The following GTF2A1 variants were observed in gnomAD, a reference collection of about 807,000 sequenced individuals.
GTF2A1 encodes the protein general transcription factor IIA subunit 1.
Under a neutral mutation model 54.1 loss-of-function variants are expected in GTF2A1, and 12 were observed. The ratio of observed to expected loss-of-function variants is 0.22; its 90% CI spans 0.14 to 0.36. GTF2A1 has a LOEUF of 0.36. Among genes scored for constraint, GTF2A1 ranks in the 10% least tolerant of loss-of-function variants. The pLI is 1.00. For synonymous variants in GTF2A1, 145 were observed against 152.0 expected, an observed-to-expected ratio of 0.95 and a Z score of 0.34; for missense variants, 335 against 442.2, an observed-to-expected ratio of 0.76 and a Z score of 2.17.
intron 1 of GTF2A1, among the ~76,000 whole-genome samples, chr14:81,219,813 CTTTT>C (rs561864246): frequency 1.1e-4 from 16 of 152,228 alleles, no homozygotes; most frequent in South Asian, 2.1e-4. Flanking sequence ...CCACTGCAGG[CTTTT>C]TTTGTTTGTT....
At position 81,220,826 on chromosome 14, in the gene GTF2A1, T is replaced by C. The variant is rs1181872533; in HGVS notation, c.-308A>G. The C allele has an allele frequency of 1.9e-5, 6 of 312,372 alleles. No individual in the cohort carries two copies. The highest frequency in any genetic ancestry group is 1.0e-4 in the East Asian group (2 of 19,780). 19.4% of individuals were successfully genotyped at this position (312,372 alleles called of 1,614,324 possible). A position where few individuals can be genotyped will look rare whatever the true frequency, so the allele number is the denominator to read the frequency against. ...CGCCAAGGAGGGAAACCACCACCGG[T>C]CACCGCTCCCTGCGCCGCCGCTGCC... On this transcript the variant is annotated 5_prime_UTR_variant, in exon 1 of 9. Coordinates refer to ENST00000553612, the MANE Select transcript of GTF2A1 (RefSeq NM_015859.4).
At chr14:81,197,723 G>C (rs1053905815) in intron 4 of GTF2A1, among the ~76,000 whole-genome samples, 4 of 152,048 alleles carry the variant, frequency 2.6e-5, no homozygotes, top group African/African-American at 9.7e-5. Flanking sequence ...CCCTAGAGAA[G>C]GTGCTCTAAG....
intron 2 of GTF2A1, among the ~76,000 whole-genome samples, chr14:81,208,371 G>A (rs1398317928): frequency 1.3e-5 from 2 of 152,206 alleles, no homozygotes; most frequent in Non-Finnish European, 2.9e-5. Flanking sequence ...ATTGAGGTTT[G>A]GGAACTTCTA....
intron 3 of GTF2A1, 64 bp downstream of exon 3, chr14:81,203,836 C>G: frequency 7.3e-7 from 1 of 1,368,338 alleles, no homozygotes; most frequent in Non-Finnish European, 1.0e-6. Context: ...CAGAATATTT[C>G]TCTTCTTTCA....
At chr14:81,219,005 A>T (rs1186180243) in intron 1 of GTF2A1, among the ~76,000 whole-genome samples, 1 of 151,910 alleles carries the variant, frequency 6.6e-6, no homozygotes, top group Non-Finnish European at 1.5e-5. Flanking sequence ...CACTACCAAA[A>T]CCAAGTCCTC....
At chr14:81,195,694 G>C (rs897714805) in intron 6 of GTF2A1, among the ~76,000 whole-genome samples, 5 of 151,626 alleles carry the variant, frequency 3.3e-5, no homozygotes, top group African/African-American at 1.2e-4. Context: ...TGATACCTTG[G>C]GTATTAGAGG....
intron 5 of GTF2A1, 96 bp from the exon 6 acceptor site, chr14:81,196,337 A>T (rs984504033): frequency 8.0e-7 from 1 of 1,251,392 alleles, no homozygotes; most frequent in Non-Finnish European, 1.2e-6. Context: ...CAAAGGCACA[A>T]GAAATTATCA....
intron 1 of GTF2A1, among the ~76,000 whole-genome samples, chr14:81,217,237 G>T (rs569486694): frequency 6.6e-6 from 1 of 152,212 alleles, no homozygotes; most frequent in East Asian, 1.9e-4. Flanking sequence ...CTGGCTTCTA[G>T]AAGGTTGAAT....
chr14:81,213,977 G>C (rs1893430622), intron 2 of GTF2A1, among the ~76,000 whole-genome samples: 1 of 151,562 alleles, frequency 6.6e-6, no homozygotes, highest in African/African-American at 2.4e-5. Context: ...CCAGTAGCTG[G>C]GATTACAGGC....
chr14:81,211,280 A>C (rs1307191609), intron 2 of GTF2A1, among the ~76,000 whole-genome samples: 3 of 152,126 alleles, frequency 2.0e-5, no homozygotes, highest in Non-Finnish European at 4.4e-5. Flanking sequence ...ACTAGTCCAA[A>C]TTCCTAGTCT....
In GTF2A1 at chr14:81,196,062, G is replaced by A. The variant is rs780560882; in HGVS notation, c.612+46C>T. 3.0e-5 allele frequency: 47 copies of A among 1,566,844 alleles called. 1 individual carries two copies. In the South Asian group the frequency reaches 4.9e-4, roughly 16 times the overall value. On this transcript the variant is annotated intron_variant, in intron 6 of 8. Coordinates refer to ENST00000553612, the MANE Select transcript of GTF2A1 (RefSeq NM_015859.4). Reference sequence around the variant, plus strand: ...GGAAACTACCCAGGGAATACATACAGAATAAAACAGAACCCCATACTGATC... The same window carrying A: ...GGAAACTACCCAGGGAATACATACAAAATAAAACAGAACCCCATACTGATC...
chr14:81,217,033 C>T (rs949345539), intron 1 of GTF2A1, among the ~76,000 whole-genome samples: 2 of 152,218 alleles, frequency 1.3e-5, no homozygotes, highest in Non-Finnish European at 2.9e-5. Context: ...CATTAAACTA[C>T]TCATACACTC....
chr14:81,189,773 A>G (rs897028075), intron 7 of GTF2A1, among the ~76,000 whole-genome samples: 2 of 152,194 alleles, frequency 1.3e-5, no homozygotes, highest in Non-Finnish European at 2.9e-5. Context: ...TACAAATACC[A>G]AACAAGTGCA....
In GTF2A1 at chr14:81,179,599, A is replaced by G. The variant is rs1371301544; in HGVS notation, c.*624T>C. On this transcript the variant is annotated 3_prime_UTR_variant, in exon 9 of 9. Transcript: ENST00000553612. ...AATATTCATTCCTGGGTCAAATTTT[A>G]TCTCCAAACTATGATCACTGATAAC... The G allele has an allele frequency of 1.3e-5, 2 of 152,222 alleles. No homozygotes were observed. The highest frequency in any genetic ancestry group is 2.4e-5 in the African/African-American group (1 of 41,464). 9.4% of individuals were successfully genotyped at this position (152,222 alleles called of 1,614,324 possible).
rs1400363018 is a variant in GTF2A1 at position 81,220,552 on chromosome 14, CCAAGAAAA to C, written c.-42_-35del. ...ACAACACAAACAAGAGGGGGCAACC[CCAAGAAAA>C]CAAGATAAAAACAAAACCAAAAAAA... On this transcript the variant is annotated 5_prime_UTR_variant, in exon 1 of 9. Transcript: ENST00000553612. 1 of 1,532,822 alleles carries C rather than the reference CCAAGAAAA, an allele frequency of 6.5e-7. No individual in the cohort carries two copies. The highest frequency in any genetic ancestry group is 8.8e-7 in the Non-Finnish European group (1 of 1,132,644). 95.0% of individuals were successfully genotyped at this position (1,532,822 alleles called of 1,614,324 possible). A position where few individuals can be genotyped will look rare whatever the true frequency, so the allele number is the denominator to read the frequency against.
Position 81,180,188 on chromosome 14 carries a change from GTTTC to G in GTF2A1, c.*31_*34del, listed in dbSNP as rs1566849181. On this transcript the variant is annotated 3_prime_UTR_variant, in exon 9 of 9. Transcript: ENST00000553612. ...ACTGTCCGCTTTACATTTTTTTTAA[GTTTC>G]TTTTATTTATAAAAGAAAAAAAGCA... The G allele has an allele frequency of 3.5e-6, 3 of 849,740 alleles. No individual in the cohort carries two copies. In the East Asian group the frequency reaches 7.8e-5, roughly 22 times the overall value. 52.6% of individuals were successfully genotyped at this position (849,740 alleles called of 1,614,324 possible). A position where few individuals can be genotyped will look rare whatever the true frequency, so the allele number is the denominator to read the frequency against.
chr14:81,208,164 G>A lies in GTF2A1; in HGVS notation c.133-4060C>T, dbSNP rs985967268. 1.5e-4 allele frequency among the ~76,000 whole-genome samples: 23 copies of A among 152,270 alleles called. No homozygotes were observed. In the East Asian group the frequency reaches 4.1e-3, roughly 27 times the overall value. ...CTCCCATCAGAAGCCCAGAGACCCA[G>A]GAGGAAAAAGTGGTTTCAGGGGCCA... On this transcript the variant is annotated intron_variant, in intron 2 of 8. Transcript: ENST00000553612.
At chr14:81,209,093 G>A (rs1254570552) in intron 2 of GTF2A1, among the ~76,000 whole-genome samples, 1 of 152,118 alleles carries the variant, frequency 6.6e-6, no homozygotes, top group Non-Finnish European at 1.5e-5. Context: ...AGATTTGGAG[G>A]GCCAGAGACA....
intron 2 of GTF2A1, among the ~76,000 whole-genome samples, chr14:81,207,673 T>G (rs953580754): frequency 6.6e-6 from 1 of 152,180 alleles, no homozygotes; most frequent in African/African-American, 2.4e-5. Context: ...TCCTAGAGAC[T>G]TGTTGAATGG....
Sources: gnomAD v4.1 joint callset for allele counts (sites outside exome capture counted in the v4.1 genomes callset) on GRCh38, gnomAD v4.1.1 for gene constraint, MANE v1.5 for transcripts, NCBI Gene and HGNC (gene_info 2026-07-23, HGNC 2026-07-21) for gene names.